MGAT4C: variants seen among roughly 807,000 people sequenced by gnomAD.
The protein encoded by MGAT4C is MGAT4 family member C, also known as alpha-1,3-mannosyl-glycoprotein 4-beta-N-acetylglucosaminyltransferase C.
In MGAT4C, 19 loss-of-function variants were observed where a neutral mutation model predicts 40.1. That is an observed-to-expected ratio of 0.47 (90% CI 0.33 to 0.70). MGAT4C has a LOEUF of 0.70. Ranked by LOEUF, MGAT4C falls within the 30% of genes least tolerant of loss-of-function variation. The pLI, the probability that MGAT4C is intolerant of heterozygous loss-of-function variation, is 0.02. For synonymous variants in MGAT4C, 181 were observed against 187.1 expected, an observed-to-expected ratio of 0.97 and a Z score of 0.27; for missense variants, 491 against 563.2, an observed-to-expected ratio of 0.87 and a Z score of 1.30.
chr12:86,662,806 A>G (rs778484573), intron 2 of MGAT4C, among the ~76,000 whole-genome samples: 70 of 152,184 alleles, frequency 4.6e-4, no homozygotes, highest in Non-Finnish European at 9.1e-4. Context: ...TTTGATCACT[A>G]GTAAGGTTTT....
chr12:86,362,630 TA>T (rs1410055751), intron 3 of MGAT4C, among the ~76,000 whole-genome samples: 1 of 151,696 alleles, frequency 6.6e-6, no homozygotes, highest in East Asian at 1.9e-4. Flanking sequence ...TAACAGCAAT[TA>T]AAAGAATGTG....
At chr12:86,140,831 C>T (rs1475891520) in intron 1 of MGAT4C, among the ~76,000 whole-genome samples, 1 of 152,142 alleles carries the variant, frequency 6.6e-6, no homozygotes, top group Non-Finnish European at 1.5e-5. Flanking sequence ...CTCCTCAACA[C>T]ATACACAGTA....
chr12:86,044,314 T>G (rs1892176188), intron 2 of MGAT4C, among the ~76,000 whole-genome samples: 1 of 152,140 alleles, frequency 6.6e-6, no homozygotes, highest in African/African-American at 2.4e-5. Flanking sequence ...GCCAAAGTGC[T>G]TTGTCTGAGT....
rs540275327 is a variant in MGAT4C, at chr12:86,725,059, G to A, written c.-229+2150C>T. ...AATCAGCATCACCTGAATTTAATAG[G>A]ATCTCTCACAGTGATTAATAGCTTA... On this transcript the variant is annotated intron_variant, in intron 2 of 7. Coordinates refer to the MGAT4C transcript ENST00000548651. Among the ~76,000 whole-genome samples the A allele has an allele frequency of 2.0e-5, 3 of 152,218 alleles. No individual in the cohort carries two copies. The East Asian group carries it at 5.8e-4, about 29-fold the overall frequency.
At chr12:86,356,454 G>T (rs1194954566) in intron 3 of MGAT4C, among the ~76,000 whole-genome samples, 5 of 152,136 alleles carry the variant, frequency 3.3e-5, no homozygotes, top group African/African-American at 9.7e-5. Context: ...GAGGTACCAG[G>T]TTCATCTCAC....
At chr12:86,248,459 A>C (rs1376325374) in intron 1 of MGAT4C, among the ~76,000 whole-genome samples, 1 of 151,558 alleles carries the variant, frequency 6.6e-6, no homozygotes, top group Non-Finnish European at 1.5e-5. Flanking sequence ...AATGCCCCTC[A>C]GTTTATCCTA....
intron 2 of MGAT4C, among the ~76,000 whole-genome samples, chr12:86,715,630 T>C (rs1448328554): frequency 5.9e-5 from 9 of 152,180 alleles, no homozygotes; most frequent in Non-Finnish European, 1.2e-4. Context: ...GACAGATTTC[T>C]ACACTTAGGC....
At chr12:86,648,193 A>T (rs984457844) in intron 2 of MGAT4C, among the ~76,000 whole-genome samples, 46 of 151,956 alleles carry the variant, frequency 3.0e-4, no homozygotes, top group African/African-American at 9.7e-4. Flanking sequence ...GTCTAGAAAC[A>T]TAAAGGCCAT....
chr12:86,770,083 T>C (rs1195880722), intron 1 of MGAT4C, among the ~76,000 whole-genome samples: 2 of 152,122 alleles, frequency 1.3e-5, no homozygotes, highest in Non-Finnish European at 2.9e-5. Flanking sequence ...AATAGATTAG[T>C]ATATGATGTT....
chr12:86,440,269 G>A (rs1957203443), intron 2 of MGAT4C, among the ~76,000 whole-genome samples: 1 of 152,010 alleles, frequency 6.6e-6, no homozygotes, highest in South Asian at 2.1e-4. Flanking sequence ...ACTTCAAAAT[G>A]ATAATTCACT....
chr12:86,700,186 T>C lies in MGAT4C; in HGVS notation c.-229+27023A>G, dbSNP rs867686153. Among the ~76,000 whole-genome samples, 530 of 121,784 alleles carry C rather than the reference T, an allele frequency of 4.4e-3. 3 individuals are homozygous for C. Among genetic ancestry groups the C allele is most frequent in the East Asian group, 0.023 (108 of 4,600 alleles). 79.9% of individuals were successfully genotyped at this position (121,784 alleles called of 152,430 possible). Reference sequence around the variant, plus strand: ...ACAGACAGACAGACAGACAGATAGATAGATAGATAGATAGATAGATAGATA... The same window carrying C: ...ACAGACAGACAGACAGACAGATAGACAGATAGATAGATAGATAGATAGATA... On this transcript the variant is annotated intron_variant, in intron 2 of 7. Transcript: ENST00000548651.
At chr12:86,801,846 A>T (rs762768319) in intron 1 of MGAT4C, among the ~76,000 whole-genome samples, 14,509 of 151,736 alleles carry the variant, frequency 0.096, 937 homozygotes, top group Non-Finnish European at 0.14. Flanking sequence ...GAAATAGGTA[A>T]TACAAAATGT....
At position 86,557,406 on chromosome 12, in the gene MGAT4C, A is replaced by C. The variant is rs7956413; in HGVS notation, c.-228-122141T>G. The stretch of plus-strand genomic sequence containing the variant: ...CAGTCACCAGTGATGCCTGCAGATA[A>C]CATCTAGTGGTCTGAGGACAAGCCT... On this transcript the variant is annotated intron_variant, in intron 2 of 7. Transcript: ENST00000548651. 9.2e-5 allele frequency among the ~76,000 whole-genome samples: 14 copies of C among 152,200 alleles called. No homozygotes were observed. The South Asian group carries it at 2.5e-3, about 27-fold the overall frequency.
At chr12:86,188,736 C>T (rs1889045524) in intron 1 of MGAT4C, among the ~76,000 whole-genome samples, 1 of 151,850 alleles carries the variant, frequency 6.6e-6, no homozygotes, top group Non-Finnish European at 1.5e-5. Flanking sequence ...AACTCCCTAA[C>T]TGCTGATAAA....
chr12:86,695,792 G>T (rs1950246046), intron 2 of MGAT4C, among the ~76,000 whole-genome samples: 1 of 151,878 alleles, frequency 6.6e-6, no homozygotes, highest in Non-Finnish European at 1.5e-5. Flanking sequence ...GTTAGGGGGT[G>T]GGAGAGTGAA....
At chr12:86,120,848 G>C (rs1216769200) in intron 1 of MGAT4C, among the ~76,000 whole-genome samples, 1 of 152,208 alleles carries the variant, frequency 6.6e-6, no homozygotes, top group Admixed American at 6.5e-5. Context: ...TCCTCCAAAG[G>C]AACGCAGCTC....
intron 2 of MGAT4C, among the ~76,000 whole-genome samples, chr12:86,018,948 A>C (rs1470936028): frequency 6.6e-6 from 1 of 152,072 alleles, no homozygotes; most frequent in Non-Finnish European, 1.5e-5. Context: ...TCCAATATTA[A>C]AGCTAATTGA....
intron 4 of MGAT4C, among the ~76,000 whole-genome samples, chr12:86,299,974 G>T (rs2136138267): frequency 1.3e-5 from 2 of 152,306 alleles, no homozygotes; most frequent in African/African-American, 4.8e-5. Flanking sequence ...AGAAAAGAAT[G>T]AGTATATGCC....
chr12:86,779,506 G>GC (rs1265535111), intron 1 of MGAT4C, among the ~76,000 whole-genome samples: 32 of 152,156 alleles, frequency 2.1e-4, no homozygotes, highest in African/African-American at 7.7e-4. Flanking sequence ...GGAAGTGGAG[G>GC]TGAGAGGGTT....
Sources: allele counts gnomAD v4.1 joint callset (sites outside exome capture counted in the v4.1 genomes callset), GRCh38; gene constraint gnomAD v4.1.1; transcripts MANE v1.5; gene names NCBI Gene and HGNC (gene_info 2026-07-23, HGNC 2026-07-21).